Variants in ADAM20 observed in about 807,000 individuals in gnomAD.
ADAM20 encodes the protein disintegrin and metalloproteinase domain-containing protein 20.
For synonymous variants in ADAM20, 305 were observed against 310.2 expected, an observed-to-expected ratio of 0.98 and a Z score of 0.18; for missense variants, 871 against 883.2, an observed-to-expected ratio of 0.99 and a Z score of 0.18.
Position 70,523,016 on chromosome 14 carries a change from A to T in ADAM20, c.1742T>A (p.Val581Glu). The change falls in exon 2 of 2, where the codon GTG (valine) becomes GAG (glutamate). Residue 581 changes from valine (V) to glutamate (E), a missense_variant. By Grantham distance (121) the Val-to-Glu change is moderately radical. Coordinates refer to ENST00000256389, the MANE Select transcript of ADAM20 (RefSeq NM_003814.5). ...GGTGTCATTGAGGTGAAACTGCTGC[A>T]CTGTAGAATGCTCTATCAGATTGGG... ...VIPNLIEHST[V>E]QQFHLNDTTC... The T allele has an allele frequency of 6.2e-7, 1 of 1,614,020 alleles. No individual in the cohort carries two copies. Among genetic ancestry groups the T allele is most frequent in the Non-Finnish European group, 8.5e-7 (1 of 1,179,954 alleles).
the ADAM20 span, chr14:70,556,651 T>A: frequency 1.3e-5 from 2 of 152,220 alleles, no homozygotes; most frequent in African/African-American, 4.8e-5. Flanking sequence ...GGATTTGAAC[T>A]GTACAGGCCC....
chr14:70,537,885 AG>A (rs1883868493), upstream of ADAM20, among the ~76,000 whole-genome samples: 1 of 152,202 alleles, frequency 6.6e-6, no homozygotes. Flanking sequence ...AACCAGGAAC[AG>A]TAAATGGCAA....
At chr14:70,532,028 C>T (rs901087992) in intron 1 of ADAM20, among the ~76,000 whole-genome samples, 5 of 151,832 alleles carry the variant, frequency 3.3e-5, no homozygotes. Flanking sequence ...ACAAATGGCC[C>T]CAAACAGCCA....
At position 70,523,298 on chromosome 14, in the gene ADAM20, T is replaced by A. The variant is rs1482010757; in HGVS notation, c.1460A>T (p.Asp487Val). 6.2e-7 allele frequency: 1 copy of A among 1,613,932 alleles called. No homozygotes were observed. The highest frequency in any genetic ancestry group is 2.2e-5 in the East Asian group (1 of 44,892). The change falls in exon 2 of 2, where the codon GAT becomes GTT. Residue 487 changes from aspartate to valine, a missense_variant. Transcript: ENST00000256389. ...GATCCCGTCCTGCACATACACATCA[T>A]CTGGGCATTGATGGGATGTCCCATT... ...WCNGTSHQCPDDVYVQDGISC... is the reference protein window; with the variant it reads ...WCNGTSHQCPVDVYVQDGISC...
chr14:70,531,766 T>C (rs1283818760), intron 1 of ADAM20, among the ~76,000 whole-genome samples: 1 of 151,870 alleles, frequency 6.6e-6, no homozygotes, highest in Non-Finnish European at 1.5e-5. Flanking sequence ...TCAGAAAGAA[T>C]AAAATACTTA....
At chr14:70,556,161 C>A in the ADAM20 span, 3 of 152,366 alleles carry the variant, frequency 2.0e-5, no homozygotes, top group Non-Finnish European at 4.4e-5. Context: ...CTGGTCCCTG[C>A]CAGCGGCGCA....
intron 1 of ADAM20, among the ~76,000 whole-genome samples, chr14:70,532,672 C>T (rs77645275): frequency 0.051 from 7,767 of 152,188 alleles, 256 homozygotes; most frequent in Middle Eastern, 0.099. Context: ...GATAGCTATA[C>T]TTAACTATAT....
chr14:70,523,475 T>C lies in ADAM20; in HGVS notation c.1283A>G (p.Gln428Arg). The stretch of plus-strand genomic sequence containing the variant: ...CAGACAACAGGGATCTTTTGCACAC[T>C]GCCGTATGGTTCCACAGTCACATTC... ...GEECDCGTIRQCAKDPCCLLN... is the reference protein window; with the variant it reads ...GEECDCGTIRRCAKDPCCLLN... The change falls in exon 2 of 2, where the codon CAG becomes CGG. Residue 428 changes from glutamine to arginine, a missense_variant. By Grantham distance (43) the Gln-to-Arg change is conservative. Transcript: ENST00000256389. 6.2e-7 allele frequency: 1 copy of C among 1,614,094 alleles called. No homozygotes were observed. The highest frequency in any genetic ancestry group is 8.5e-7 in the Non-Finnish European group (1 of 1,179,978).
At chr14:70,538,652 A>C (rs1363165380), upstream of ADAM20, among the ~76,000 whole-genome samples, 2 of 152,240 alleles carry the variant, frequency 1.3e-5, no homozygotes, top group Non-Finnish European at 2.9e-5. Flanking sequence ...GGAAAACAGA[A>C]AAGGCACCAA....
rs1883528382 is a variant in ADAM20 at position 70,524,190 on chromosome 14, A to G, written c.568T>C (p.Tyr190His). 6.2e-7 allele frequency: 1 copy of G among 1,613,804 alleles called. No individual in the cohort carries two copies. The highest frequency in any genetic ancestry group is 1.3e-5 in the African/African-American group (1 of 74,938). Residue 190 changes from tyrosine (Y) to histidine (H), a missense_variant, in exon 2 of 2, where the codon TAT (tyrosine) becomes CAT (histidine). Transcript: ENST00000256389. ...IAHQMELQLS[Y>H]NFTLKQSSFV... ...GAACTTTGCTTCAGAGTGAAATTAT[A>G]TGACAATTGCAACTCCATCTGGTGT... is the stretch of plus-strand genomic sequence containing the variant.
chr14:70,573,930 C>A, the ADAM20 span, among the ~76,000 whole-genome samples: 6,454 of 152,226 alleles, frequency 0.042, 242 homozygotes, highest in African/African-American at 0.097. Flanking sequence ...TAACAGATTT[C>A]AGTAGCCCAC....
chr14:70,565,548 A>G, the ADAM20 span, among the ~76,000 whole-genome samples: 3 of 152,222 alleles, frequency 2.0e-5, no homozygotes, highest in African/African-American at 4.8e-5. Context: ...AAGGAGCTCC[A>G]TAAGACTACT....
Position 70,523,608 on chromosome 14 carries a change from A to G in ADAM20, c.1150T>C (p.Tyr384His), listed in dbSNP as rs775126973. ...CCACTACTGATAGTACTGTCCCAAT[A>G]TTGGGCATAACTGCAGTTGCTAAAT... Reference protein sequence around the residue: ...TKFSNCSYAQYWDSTISSGLC... With the variant: ...TKFSNCSYAQHWDSTISSGLC... Residue 384 changes from tyrosine to histidine, a missense_variant, in exon 2 of 2, where the codon TAT (tyrosine) becomes CAT (histidine). Coordinates refer to ENST00000256389, the MANE Select transcript of ADAM20 (RefSeq NM_003814.5). 20 of 1,613,918 alleles carry G rather than the reference A, an allele frequency of 1.2e-5. No individual in the cohort carries two copies. Among genetic ancestry groups the G allele is most frequent in the Middle Eastern group, 3.3e-4 (2 of 6,080 alleles).
At chr14:70,540,152 T>G in the ADAM20 span, among the ~76,000 whole-genome samples, 3 of 152,162 alleles carry the variant, frequency 2.0e-5, no homozygotes, top group Admixed American at 6.5e-5. Context: ...GTGCTGGGAT[T>G]ACAGGCATGA....
intron 1 of ADAM20, among the ~76,000 whole-genome samples, chr14:70,527,595 T>C (rs1313117844): frequency 6.6e-6 from 1 of 152,166 alleles, no homozygotes; most frequent in African/African-American, 2.4e-5. Flanking sequence ...GTGGTCTGTA[T>C]TGCCCCCTCA....
upstream of ADAM20, among the ~76,000 whole-genome samples, chr14:70,536,744 A>G (rs555236510): frequency 6.6e-5 from 10 of 151,946 alleles, no homozygotes; most frequent in South Asian, 2.1e-3. Context: ...CCTCTCCCCA[A>G]CCAGAGACAT....
At chr14:70,573,654 A>G in the ADAM20 span, among the ~76,000 whole-genome samples, 1 of 152,334 alleles carries the variant, frequency 6.6e-6, no homozygotes, top group East Asian at 1.9e-4. Context: ...CTCTTTAGCT[A>G]TAAGGGTGCA....
the ADAM20 span, among the ~76,000 whole-genome samples, chr14:70,541,262 G>A: frequency 1.3e-5 from 2 of 152,178 alleles, no homozygotes; most frequent in Admixed American, 1.3e-4. Flanking sequence ...AAGTGATTAG[G>A]CCTCCTCAAT....
At chr14:70,559,124 C>T in the ADAM20 span, among the ~76,000 whole-genome samples, 5 of 152,160 alleles carry the variant, frequency 3.3e-5, no homozygotes, top group African/African-American at 1.2e-4. Flanking sequence ...GCCTACATGG[C>T]ATCATCACTT....
Sources: allele counts gnomAD v4.1 joint callset (sites outside exome capture counted in the v4.1 genomes callset), GRCh38; gene constraint gnomAD v4.1.1; transcripts MANE v1.5; gene names NCBI Gene and HGNC (gene_info 2026-07-23, HGNC 2026-07-21).